The following PCDHGA5 variants were observed in gnomAD, a reference collection of about 807,000 sequenced individuals.
PCDHGA5 encodes the protein protocadherin gamma subfamily A, 5.
A neutral mutation model predicts 56.7 loss-of-function variants in PCDHGA5; 36 were observed. The ratio of observed to expected loss-of-function variants is 0.64; its 90% CI spans 0.49 to 0.84. The LOEUF is 0.84. PCDHGA5 is among the 40% of genes least tolerant of loss of function. The pLI is 0.00. For synonymous variants in PCDHGA5, 563 were observed against 520.2 expected, an observed-to-expected ratio of 1.08 and a Z score of -1.12; for missense variants, 1,305 against 1,201.5, an observed-to-expected ratio of 1.09 and a Z score of -1.27.
chr5:141,491,908 G>A lies in PCDHGA5; in HGVS notation c.2422-2899G>A. ...GGGGCTCCGAGCACCGGGGGTGGTG[G>A]CGACTGTGGGCGAGGGGAGGTGGGA... On this transcript the variant is annotated intron_variant, in intron 1 of 3. Transcript: ENST00000518069. The surrounding 1 kb of genome is among the most constrained non-coding windows in gnomAD (Gnocchi z 6.9). The A allele has an allele frequency of 7.1e-7, 1 of 1,408,288 alleles. No individual in the cohort carries two copies. Among genetic ancestry groups the A allele is most frequent in the East Asian group, 2.5e-5 (1 of 39,276 alleles). The allele number at this position is 1,408,288 out of a possible 1,614,324, so 87.2% of individuals were successfully genotyped here. A position where few individuals can be genotyped will look rare whatever the true frequency, so the allele number is the denominator to read the frequency against.
At chr5:141,392,806 A>C (rs2092599321) in intron 1 of PCDHGA5, 1 of 1,576,662 alleles carries the variant, frequency 6.3e-7, no homozygotes, top group Non-Finnish European at 8.6e-7. Flanking sequence ...TTCTGCAGCA[A>C]AACAACAATG....
chr5:141,405,407 CTTTT>C (rs762612492), intron 1 of PCDHGA5: 1 of 1,581,924 alleles, frequency 6.3e-7, no homozygotes, highest in Non-Finnish European at 8.6e-7. Flanking sequence ...TCTTTCTTTT[CTTTT>C]TTTGTTTTTT....
chr5:141,404,970 C>A (rs1470955697), intron 1 of PCDHGA5: 1 of 1,613,940 alleles, frequency 6.2e-7, no homozygotes, highest in Non-Finnish European at 8.5e-7. Flanking sequence ...GACATCCTGG[C>A]TGACCTGGGC....
intron 1 of PCDHGA5, chr5:141,430,922 G>A: frequency 1.2e-6 from 2 of 1,607,168 alleles, no homozygotes; most frequent in South Asian, 2.2e-5. Context: ...CCTGGGGCTG[G>A]AGCCCCGGGA....
At position 141,409,702 on chromosome 5, in the gene PCDHGA5, G is replaced by T. The variant is rs545411022; in HGVS notation, c.2421+42951G>T. The T allele has an allele frequency of 1.9e-6, 3 of 1,613,226 alleles. No individual in the cohort carries two copies. The East Asian group carries it at 6.7e-5, about 36-fold the overall frequency. ...TGGCGAGTGACCTAGAGCCCCTGGC[G>T]GTGTCGTCATACGTGTCAGTGAGCG... On this transcript the variant is annotated intron_variant, in intron 1 of 3. Coordinates refer to ENST00000518069, the MANE Select transcript of PCDHGA5 (RefSeq NM_018918.3).
In PCDHGA5 at chr5:141,414,129, C is replaced by A. The variant is rs1487550233; in HGVS notation, c.2421+47378C>A. The A allele has an allele frequency of 1.9e-6, 3 of 1,594,152 alleles. No homozygotes were observed. In the Admixed American group the frequency reaches 5.3e-5, roughly 28 times the overall value. ...ATCTAGATTATGAAGAAACCGGTTT[C>A]TATGAAATAGAAATACAAGCAGAAG... On this transcript the variant is annotated intron_variant, in intron 1 of 3. Coordinates refer to ENST00000518069, the MANE Select transcript of PCDHGA5 (RefSeq NM_018918.3).
rs547284271 is a variant in PCDHGA5 at position 141,489,064 on chromosome 5, C to G, written c.2422-5743C>G. On this transcript the variant is annotated intron_variant, in intron 1 of 3. Coordinates refer to ENST00000518069, the MANE Select transcript of PCDHGA5 (RefSeq NM_018918.3). This position sits in a 1 kb window ranked among gnomAD's most constrained non-coding sequence, Gnocchi z 4.5. ...TCCACTCAAATTCAGCTCCCCTCCC[C>G]CCTGCCCACCCCCGCCACTCGGTGA... 1.9e-4 allele frequency: 74 copies of G among 387,742 alleles called. No homozygotes were observed. The highest frequency in any genetic ancestry group is 1.5e-3 in the African/African-American group (70 of 47,296). The allele number at this position is 387,742 out of a possible 1,614,324, so 24.0% of individuals were successfully genotyped here. A position where few individuals can be genotyped will look rare whatever the true frequency, so the allele number is the denominator to read the frequency against.
chr5:141,427,995 G>C (rs1292989797), intron 1 of PCDHGA5: 2 of 1,599,590 alleles, frequency 1.3e-6, no homozygotes, highest in African/African-American at 2.7e-5. Flanking sequence ...CGATGGCTCC[G>C]CACTCTTCGA....
chr5:141,431,617 C>A lies in PCDHGA5; in HGVS notation c.2422-63190C>A. ...GGTATTCCTTCCGGTATGTGGACGA[C>A]AAGGCGGCCCAAGTTTTCAAACTAG... On this transcript the variant is annotated intron_variant, in intron 1 of 3. Coordinates refer to ENST00000518069, the MANE Select transcript of PCDHGA5 (RefSeq NM_018918.3). This position sits in a 1 kb window ranked among gnomAD's most constrained non-coding sequence, Gnocchi z 4.8. 6.2e-7 allele frequency: 1 copy of A among 1,614,236 alleles called. No homozygotes were observed. Among genetic ancestry groups the A allele is most frequent in the Non-Finnish European group, 8.5e-7 (1 of 1,180,044 alleles).
intron 1 of PCDHGA5, among the ~76,000 whole-genome samples, chr5:141,446,777 CT>C (rs1480571336): frequency 6.6e-6 from 1 of 152,072 alleles, no homozygotes; most frequent in South Asian, 2.1e-4. Context: ...GGTTACCATT[CT>C]TTTACTCTGA....
At chr5:141,448,990 T>C (rs1419678645) in intron 1 of PCDHGA5, among the ~76,000 whole-genome samples, 1 of 152,070 alleles carries the variant, frequency 6.6e-6, no homozygotes, top group Non-Finnish European at 1.5e-5. Flanking sequence ...TATTAATATA[T>C]AGAAAGCTGT....
chr5:141,427,556 C>A (rs1022143090), intron 1 of PCDHGA5: 7 of 649,144 alleles, frequency 1.1e-5, no homozygotes, highest in African/African-American at 1.1e-4. Flanking sequence ...CTGCCACTGA[C>A]AAGGGCAAGC....
intron 2 of PCDHGA5, among the ~76,000 whole-genome samples, chr5:141,501,092 C>A: frequency 6.6e-6 from 1 of 152,118 alleles, no homozygotes; most frequent in East Asian, 1.9e-4. Flanking sequence ...TGGTCTCAAT[C>A]TCTTGACCTC....
chr5:141,448,803 G>A (rs2098607666), intron 1 of PCDHGA5, among the ~76,000 whole-genome samples: 2 of 152,020 alleles, frequency 1.3e-5, no homozygotes, highest in South Asian at 4.1e-4. Flanking sequence ...AAATTAGCCA[G>A]GCGTGATGGC....
intron 1 of PCDHGA5, among the ~76,000 whole-genome samples, chr5:141,494,135 GTCAC>G (rs1365926534): frequency 3.3e-5 from 5 of 152,202 alleles, no homozygotes; most frequent in Admixed American, 6.5e-5. Flanking sequence ...CTTCTCCTTA[GTCAC>G]AGACCATTGT....
chr5:141,375,451 C>G (rs1561567898), intron 1 of PCDHGA5: 9 of 1,614,016 alleles, frequency 5.6e-6, no homozygotes, highest in Non-Finnish European at 7.6e-6. Flanking sequence ...CCCATTCATC[C>G]TACTCAGTCT....
At chr5:141,442,033 G>T (rs2098292928) in intron 1 of PCDHGA5, 1 of 209,534 alleles carries the variant, frequency 4.8e-6, no homozygotes, top group Non-Finnish European at 9.8e-6. Context: ...AAAGCGACTC[G>T]CCAGCGCCTA....
At chr5:141,501,470 TG>T (rs1206698871) in intron 2 of PCDHGA5, among the ~76,000 whole-genome samples, 1 of 152,068 alleles carries the variant, frequency 6.6e-6, no homozygotes, top group African/African-American at 2.4e-5. Flanking sequence ...CCCCAAATCC[TG>T]GAAGAGTCCC....
intron 1 of PCDHGA5, chr5:141,426,685 A>C (rs1342844985): frequency 4.6e-6 from 2 of 432,608 alleles, no homozygotes; most frequent in African/African-American, 2.0e-5. Flanking sequence ...CATTTTCCCC[A>C]AAATAGCATT....
Sources: gnomAD v4.1 joint callset for allele counts (sites outside exome capture counted in the v4.1 genomes callset) on GRCh38, gnomAD v4.1.1 for gene constraint, Gnocchi (gnomAD v3.1) non-coding constraint, MANE v1.5 for transcripts, NCBI Gene and HGNC (gene_info 2026-07-23, HGNC 2026-07-21) for gene names.